BID: variants seen among roughly 807,000 people sequenced by gnomAD.
BID encodes the protein BH3 interacting domain death agonist, also known as BH3-interacting domain death agonist.
In BID, 19 loss-of-function variants were observed where a neutral mutation model predicts 17.4. The ratio of observed to expected loss-of-function variants is 1.09; its 90% confidence interval spans 0.76 to 1.60. The LOEUF (loss-of-function observed/expected upper bound fraction) is 1.60, where lower values mean the gene tolerates loss of function less well. BID is among the 40% of genes most tolerant of loss of function. BID has a pLI of 0.00. For synonymous variants in BID, 108 were observed against 102.8 expected (o/e 1.05, Z -0.31); for missense variants, 226 against 256.0 (o/e 0.88, Z 0.80).
intron 1 of BID, among the ~76,000 whole-genome samples, chr22:17,756,466 TC>T (rs1426388518): frequency 9.6e-6 from 1 of 104,652 alleles, no homozygotes; most frequent in East Asian, 2.1e-4. Flanking sequence ...TTTCTTTCTT[TC>T]TTTCTTTCTT....
At chr22:17,759,241 C>CAAAA (rs1555906713) in intron 1 of BID, among the ~76,000 whole-genome samples, 36 of 97,052 alleles carry the variant, frequency 3.7e-4, no homozygotes, top group Admixed American at 2.1e-3. Flanking sequence ...AAACAAAAAA[C>CAAAA]AAAACAAAAA....
At chr22:17,767,631 G>A (rs1449122524) in intron 1 of BID, among the ~76,000 whole-genome samples, 9 of 152,098 alleles carry the variant, frequency 5.9e-5, no homozygotes, top group Admixed American at 5.9e-4. Flanking sequence ...TCTGTCATCC[G>A]CCTACAAAGA....
At position 17,743,839 on chromosome 22, in the gene BID, G is replaced by T. The variant is rs762595889; in HGVS notation, c.187C>A (p.Arg63Ser). The change falls in exon 3 of 6, where the codon CGC becomes AGC. Residue 63 changes from arginine to serine, a missense_variant. Coordinates refer to ENST00000622694, the MANE Select transcript of BID (RefSeq NM_001196.4). ...CTTCCCAAGCGGGAGTGGCTGCTGC[G>T]GTTGCCATCAGTCTGCAGCTCATCG... Reference protein sequence around the residue: ...GYDELQTDGNRSSHSRLGRIE... With the variant: ...GYDELQTDGNSSSHSRLGRIE... 6.2e-7 allele frequency: 1 copy of T among 1,612,358 alleles called. No individual in the cohort carries two copies. Among genetic ancestry groups the T allele is most frequent in the Admixed American group, 1.7e-5 (1 of 60,006 alleles).
At chr22:17,758,440 A>G (rs2061610271) in intron 1 of BID, among the ~76,000 whole-genome samples, 1 of 152,246 alleles carries the variant, frequency 6.6e-6, no homozygotes, top group African/African-American at 2.4e-5. Context: ...TTGACCTAGA[A>G]TTCAGCTTTT....
intron 1 of BID, among the ~76,000 whole-genome samples, chr22:17,753,317 G>A (rs2061555727): frequency 6.6e-6 from 1 of 152,206 alleles, no homozygotes; most frequent in Non-Finnish European, 1.5e-5. Flanking sequence ...ATAACAGAGG[G>A]GCAAGGTGTT....
intron 1 of BID, among the ~76,000 whole-genome samples, chr22:17,764,630 G>T: frequency 6.6e-6 from 1 of 152,212 alleles, no homozygotes; most frequent in South Asian, 2.1e-4. Context: ...TTGTTGGGGG[G>T]TGGAAATAAG....
rs762735083 is a variant in BID, at chr22:17,734,790, T to A, written c.*790A>T. ...TTCTGGCACCCGTGGCTTCATGTCTTTAGCAAAGTCTTGATGTCATGGAAA... is the reference window on the plus strand; with the variant it reads ...TTCTGGCACCCGTGGCTTCATGTCTATAGCAAAGTCTTGATGTCATGGAAA... On this transcript the variant is annotated 3_prime_UTR_variant, in exon 6 of 6. Transcript: ENST00000622694. 12 of 152,222 alleles carry A rather than the reference T, an allele frequency of 7.9e-5. No homozygotes were observed. The highest frequency in any genetic ancestry group is 1.8e-4 in the Non-Finnish European group (12 of 68,034). 9.4% of individuals were successfully genotyped at this position (152,222 alleles called of 1,614,324 possible). A position where few individuals can be genotyped will look rare whatever the true frequency, so the allele number is the denominator to read the frequency against.
At chr22:17,757,602 G>A (rs562006660) in intron 1 of BID, among the ~76,000 whole-genome samples, 13 of 151,410 alleles carry the variant, frequency 8.6e-5, no homozygotes, top group African/African-American at 1.7e-4. Context: ...CCAGCTACTC[G>A]GGAGGCTGAG....
rs548893398 is a variant in BID, at chr22:17,751,563, G to GAAT, written c.-58-1390_-58-1389insATT. On this transcript the variant is annotated intron_variant, in intron 1 of 5. Coordinates refer to ENST00000622694, the MANE Select transcript of BID (RefSeq NM_001196.4). ...AACCAAGCATTGGCAATTTCACATGGTTCCTGAATACATAGGAAATAAAAA... is the reference window on the plus strand; with the variant it reads ...AACCAAGCATTGGCAATTTCACATGGAATTTCCTGAATACATAGGAAATAAAAA... 3.2e-4 allele frequency among the ~76,000 whole-genome samples: 48 copies of GAAT among 152,318 alleles called. 3 individuals carry two copies. The South Asian group carries it at 9.3e-3, about 30-fold the overall frequency.
intron 2 of BID, among the ~76,000 whole-genome samples, chr22:17,745,054 T>C (rs1395380842): frequency 6.6e-6 from 1 of 152,106 alleles, no homozygotes; most frequent in African/African-American, 2.4e-5. Flanking sequence ...GTTTTTTTGT[T>C]TTTGTTTTTG....
rs1354198893 is a variant in BID, at chr22:17,741,861, A to AC, written c.223+1941dup. 4.6e-5 allele frequency among the ~76,000 whole-genome samples: 7 copies of AC among 151,410 alleles called. No individual in the cohort carries two copies. In the East Asian group the frequency reaches 9.7e-4, roughly 21 times the overall value. On this transcript the variant is annotated intron_variant, in intron 3 of 5. Transcript: ENST00000622694. ...GTTTCCAAGGAACCAAACATACCCA[A>AC]CCCCCAAGGCCCAGCTCAATTGGAG...
chr22:17,757,196 C>T (rs947052115), intron 1 of BID, among the ~76,000 whole-genome samples: 1 of 151,834 alleles, frequency 6.6e-6, no homozygotes, highest in African/African-American at 2.4e-5. Context: ...AGGCTGATCA[C>T]CTGAGCCCAG....
Position 17,734,334 on chromosome 22 carries a change from TAAG to T in BID, c.*1243_*1245del, listed in dbSNP as rs2061405416. 1 of 152,220 alleles carries T rather than the reference TAAG, an allele frequency of 6.6e-6. No individual in the cohort carries two copies. Among genetic ancestry groups the T allele is most frequent in the Non-Finnish European group, 1.5e-5 (1 of 68,060 alleles). The allele number at this position is 152,220 out of a possible 1,614,324, so 9.4% of individuals were successfully genotyped here. On this transcript the variant is annotated 3_prime_UTR_variant, in exon 6 of 6. Coordinates refer to ENST00000622694, the MANE Select transcript of BID (RefSeq NM_001196.4). ...TCTTAAAGAACAGGAAAGCATCTGG[TAAG>T]AAGAAATCATGAGTCCGTCAGTGCC...
intron 1 of BID, among the ~76,000 whole-genome samples, chr22:17,759,697 A>T (rs970669982): frequency 6.6e-6 from 1 of 152,092 alleles, no homozygotes; most frequent in Admixed American, 6.5e-5. Context: ...AACTCTAAAA[A>T]TTATTATTAT....
Position 17,773,515 on chromosome 22 carries a change from C to T in BID, c.-59+866G>A. On this transcript the variant is annotated intron_variant, in intron 1 of 5. Coordinates refer to ENST00000622694, the MANE Select transcript of BID (RefSeq NM_001196.4). This position sits in a 1 kb window ranked among gnomAD's most constrained non-coding sequence, Gnocchi z 4.4. Reference sequence around the variant, plus strand: ...GTGCAAGCCTGAGAAGGTGGAAGAGCTCTGGGTGGGTCCATCTGCTCCTCA... The same window carrying T: ...GTGCAAGCCTGAGAAGGTGGAAGAGTTCTGGGTGGGTCCATCTGCTCCTCA... The T allele has an allele frequency of 7.7e-7, 1 of 1,290,836 alleles. No individual in the cohort carries two copies. Among genetic ancestry groups the T allele is most frequent in the African/African-American group, 1.5e-5 (1 of 68,370 alleles). 80.0% of individuals were successfully genotyped at this position (1,290,836 alleles called of 1,614,324 possible). A position where few individuals can be genotyped will look rare whatever the true frequency, so the allele number is the denominator to read the frequency against.
chr22:17,739,263 G>A (rs2061440771), intron 4 of BID, 86 bp downstream of exon 4: 4 of 1,440,240 alleles, frequency 2.8e-6, no homozygotes, highest in South Asian at 1.4e-5. Context: ...GTGGCCTCAC[G>A]GGACAGTGGG....
chr22:17,755,347 TGAACACACA>T (rs576250463), intron 1 of BID, among the ~76,000 whole-genome samples: 96 of 152,314 alleles, frequency 6.3e-4, no homozygotes, highest in African/African-American at 2.2e-3. Context: ...CCCGGAAATG[TGAACACACA>T]TGGACCATGG....
chr22:17,747,006 G>A (rs540549130), intron 2 of BID, among the ~76,000 whole-genome samples: 5 of 151,510 alleles, frequency 3.3e-5, no homozygotes, highest in South Asian at 2.1e-4. Flanking sequence ...GACACAGAGC[G>A]GTGCTGCCAC....
intron 1 of BID, among the ~76,000 whole-genome samples, chr22:17,756,923 C>T (rs1006544539): frequency 6.6e-6 from 1 of 151,560 alleles, no homozygotes; most frequent in Non-Finnish European, 1.5e-5. Context: ...CTGACCTGAC[C>T]ATTACATGGT....
Sources: gnomAD v4.1 joint callset for allele counts (sites outside exome capture counted in the v4.1 genomes callset) on GRCh38, gnomAD v4.1.1 for gene constraint, Gnocchi (gnomAD v3.1) non-coding constraint, MANE v1.5 for transcripts, NCBI Gene and HGNC (gene_info 2026-07-23, HGNC 2026-07-21) for gene names.